Variants in SYNDIG1 observed in about 807,000 individuals in gnomAD.
SYNDIG1 encodes synapse differentiation-inducing gene protein 1.
In SYNDIG1, 9 loss-of-function variants were observed where a neutral mutation model predicts 19.4. The ratio of observed to expected loss-of-function variants is 0.46; its 90% CI spans 0.28 to 0.81. SYNDIG1 has a LOEUF of 0.81. SYNDIG1 is among the 30% of genes least tolerant of loss of function. The pLI is 0.12. For missense variants in SYNDIG1, 311 were observed against 343.3 expected, an observed-to-expected ratio of 0.91 and a Z score of 0.74; for synonymous variants, 141 against 145.9, an observed-to-expected ratio of 0.97 and a Z score of 0.24.
At chr20:24,517,551 G>A (rs768859722) in intron 1 of SYNDIG1, among the ~76,000 whole-genome samples, 76 of 147,500 alleles carry the variant, frequency 5.2e-4, no homozygotes, top group Non-Finnish European at 1.1e-3. Flanking sequence ...CCTGGGAGGC[G>A]GAGCTTGCAG....
intron 1 of SYNDIG1, among the ~76,000 whole-genome samples, chr20:24,500,856 A>G (rs753609160): frequency 2.6e-5 from 4 of 152,206 alleles, no homozygotes; most frequent in Non-Finnish European, 5.9e-5. Context: ...TTCCTCATAA[A>G]GCAAAATAAA....
chr20:24,525,861 C>A lies in SYNDIG1; in HGVS notation c.-78-17159C>A, dbSNP rs117140538. On this transcript the variant is annotated intron_variant, in intron 1 of 3. Coordinates refer to ENST00000376862, the MANE Select transcript of SYNDIG1 (RefSeq NM_024893.3). ...TGTGATGGTGAAAATATTACATTATCCCCATAATTCTATAAATTTTGCTTT... is the reference window on the plus strand; with the variant it reads ...TGTGATGGTGAAAATATTACATTATACCCATAATTCTATAAATTTTGCTTT... Among the ~76,000 whole-genome samples the A allele has an allele frequency of 1.7e-3, 254 of 152,220 alleles. 6 individuals are homozygous for A. In the East Asian group the frequency reaches 0.032, roughly 19 times the overall value.
intron 2 of SYNDIG1, among the ~76,000 whole-genome samples, chr20:24,547,306 C>A (rs140177054): frequency 6.6e-5 from 10 of 152,376 alleles, no homozygotes; most frequent in Non-Finnish European, 1.3e-4. Flanking sequence ...AGAGGTCGGC[C>A]TGTCTGACAT....
intron 3 of SYNDIG1, among the ~76,000 whole-genome samples, chr20:24,633,595 T>C (rs4813525): frequency 0.49 from 73,889 of 152,052 alleles, 20,185 homozygotes; most frequent in Non-Finnish European, 0.61. Context: ...TCCTCCATCC[T>C]TTTTTCCAGT....
chr20:24,625,340 A>G (rs1179729175), intron 3 of SYNDIG1, among the ~76,000 whole-genome samples: 4 of 152,078 alleles, frequency 2.6e-5, no homozygotes, highest in Middle Eastern at 3.2e-3. Context: ...CAAATTATCA[A>G]TATCATGAAA....
At chr20:24,546,785 A>AT (rs913207433) in intron 2 of SYNDIG1, among the ~76,000 whole-genome samples, 47 of 149,908 alleles carry the variant, frequency 3.1e-4, no homozygotes, top group Admixed American at 1.7e-3. Flanking sequence ...TTTTGGCATC[A>AT]TTTTTTTTTT....
At chr20:24,522,517 C>A (rs1236713647) in intron 1 of SYNDIG1, among the ~76,000 whole-genome samples, 1 of 152,170 alleles carries the variant, frequency 6.6e-6, no homozygotes, top group Non-Finnish European at 1.5e-5. Context: ...ATCTCCTCCC[C>A]ACTTCTCCCA....
intron 2 of SYNDIG1, among the ~76,000 whole-genome samples, chr20:24,557,356 G>A (rs1041302129): frequency 7.9e-5 from 12 of 152,322 alleles, no homozygotes; most frequent in East Asian, 1.9e-4. Flanking sequence ...GAGGAACTGC[G>A]TTCCTTTGGA....
intron 1 of SYNDIG1, among the ~76,000 whole-genome samples, chr20:24,538,062 T>G (rs6083551): frequency 0.14 from 20,765 of 152,196 alleles, 1,866 homozygotes; most frequent in Admixed American, 0.24. Context: ...AGCTCTTCTT[T>G]TTATGTTTTA....
At chr20:24,531,522 T>G (rs2057259587) in intron 1 of SYNDIG1, among the ~76,000 whole-genome samples, 1 of 152,246 alleles carries the variant, frequency 6.6e-6, no homozygotes, top group African/African-American at 2.4e-5. Flanking sequence ...ATTCATGCAT[T>G]TGTTTGAAAA....
At chr20:24,546,401 A>G (rs1010021161) in intron 2 of SYNDIG1, among the ~76,000 whole-genome samples, 3 of 152,226 alleles carry the variant, frequency 2.0e-5, no homozygotes, top group African/African-American at 7.2e-5. Flanking sequence ...AGGGTCGGCA[A>G]TTGAGCTGGG....
chr20:24,616,678 G>T (rs1250481105), intron 3 of SYNDIG1, among the ~76,000 whole-genome samples: 1 of 152,244 alleles, frequency 6.6e-6, no homozygotes, highest in Non-Finnish European at 1.5e-5. Flanking sequence ...GGGTGAGGCA[G>T]CTGGACAGGG....
At chr20:24,590,094 G>A (rs1276487311) in intron 3 of SYNDIG1, among the ~76,000 whole-genome samples, 2 of 152,236 alleles carry the variant, frequency 1.3e-5, no homozygotes, top group Non-Finnish European at 2.9e-5. Flanking sequence ...GGATGGACAT[G>A]GGGAGCGTGG....
chr20:24,645,890 T>C (rs930875928), intron 3 of SYNDIG1, among the ~76,000 whole-genome samples: 1 of 152,206 alleles, frequency 6.6e-6, no homozygotes, highest in South Asian at 2.1e-4. Flanking sequence ...AGAGAACACC[T>C]GGTGCTGGCC....
At chr20:24,579,453 G>C (rs79973810) in intron 2 of SYNDIG1, among the ~76,000 whole-genome samples, 3 of 152,180 alleles carry the variant, frequency 2.0e-5, no homozygotes, top group Non-Finnish European at 4.4e-5. Flanking sequence ...TGAAAACTCT[G>C]TTGCCCTATG....
At chr20:24,505,783 A>G (rs143682062) in intron 1 of SYNDIG1, among the ~76,000 whole-genome samples, 1 of 152,340 alleles carries the variant, frequency 6.6e-6, no homozygotes, top group Non-Finnish European at 1.5e-5. Context: ...AGAAAGTGGG[A>G]TGCTAGACTT....
chr20:24,504,297 G>A (rs2056532196), intron 1 of SYNDIG1, among the ~76,000 whole-genome samples: 1 of 152,192 alleles, frequency 6.6e-6, no homozygotes, highest in Non-Finnish European at 1.5e-5. Flanking sequence ...TCATTGGTGT[G>A]GCTATCTGAT....
chr20:24,608,636 T>C (rs1304129077), intron 3 of SYNDIG1, among the ~76,000 whole-genome samples: 1 of 152,218 alleles, frequency 6.6e-6, no homozygotes, highest in Non-Finnish European at 1.5e-5. Context: ...TTATGTACGC[T>C]GATCTCACGG....
At chr20:24,547,132 C>T (rs2057594275) in intron 2 of SYNDIG1, among the ~76,000 whole-genome samples, 1 of 151,966 alleles carries the variant, frequency 6.6e-6, no homozygotes, top group African/African-American at 2.4e-5. Flanking sequence ...GAGCAGGGCC[C>T]CCTCATTGCC....
Sources: allele counts gnomAD v4.1 joint callset (sites outside exome capture counted in the v4.1 genomes callset), GRCh38; gene constraint gnomAD v4.1.1; transcripts MANE v1.5; gene names NCBI Gene and HGNC (gene_info 2026-07-23, HGNC 2026-07-21).